Variants in SNTG1 observed in about 807,000 individuals in gnomAD.
The protein encoded by SNTG1 is gamma-1-syntrophin.
In SNTG1, 39 loss-of-function variants were observed where a neutral mutation model predicts 74.7. That is an observed-to-expected ratio of 0.52 (90% confidence interval 0.40 to 0.68). The LOEUF (loss-of-function observed/expected upper bound fraction) is 0.68. Ranked by LOEUF, SNTG1 falls within the 30% of genes least tolerant of loss-of-function variation. SNTG1 has a pLI of 0.00. For synonymous variants in SNTG1, 254 were observed against 217.1 expected (o/e 1.17, Z -1.49); for missense variants, 685 against 609.5 (o/e 1.12, Z -1.30).
intron 18 of SNTG1, among the ~76,000 whole-genome samples, chr8:50,757,375 C>T (rs1158314066): frequency 3.3e-5 from 5 of 151,784 alleles, no homozygotes; most frequent in African/African-American, 7.2e-5. Context: ...CAGGTGTATA[C>T]ATGCTAAGGA....
chr8:50,642,851 A>G (rs2095082686), intron 13 of SNTG1, among the ~76,000 whole-genome samples: 1 of 152,160 alleles, frequency 6.6e-6, no homozygotes, highest in Admixed American at 6.6e-5. Context: ...TCCAAAGTAG[A>G]ATCTAAGTTA....
At chr8:50,378,288 C>A (rs1225369606) in intron 2 of SNTG1, among the ~76,000 whole-genome samples, 3 of 152,210 alleles carry the variant, frequency 2.0e-5, no homozygotes, top group African/African-American at 7.2e-5. Context: ...AACACAGTGG[C>A]ACCCAGAAGT....
chr8:50,485,495 T>G (rs1011727739), intron 8 of SNTG1, among the ~76,000 whole-genome samples: 8 of 151,964 alleles, frequency 5.3e-5, no homozygotes, highest in African/African-American at 1.9e-4. Flanking sequence ...TTCATGTCCT[T>G]CACCCACTTT....
At chr8:50,621,964 A>G (rs776983627) in intron 13 of SNTG1, among the ~76,000 whole-genome samples, 1 of 152,120 alleles carries the variant, frequency 6.6e-6, no homozygotes, top group South Asian at 2.1e-4. Context: ...TTGCTCCTAT[A>G]TGGGCTAGGT....
At chr8:50,178,053 T>G (rs776968937) in intron 2 of SNTG1, among the ~76,000 whole-genome samples, 17 of 152,198 alleles carry the variant, frequency 1.1e-4, no homozygotes, top group Non-Finnish European at 2.2e-4. Flanking sequence ...GATAGCTGAT[T>G]TTTTTCCTAA....
At chr8:50,029,970 G>T (rs548561462) in intron 1 of SNTG1, among the ~76,000 whole-genome samples, 43 of 152,202 alleles carry the variant, frequency 2.8e-4, no homozygotes, top group African/African-American at 1.0e-3. Context: ...CATCAACAGT[G>T]TATGAGGGTT....
intron 15 of SNTG1, among the ~76,000 whole-genome samples, chr8:50,687,589 A>C (rs2095358225): frequency 1.3e-5 from 2 of 151,570 alleles, no homozygotes; most frequent in Admixed American, 1.3e-4. Flanking sequence ...TTATTATTAT[A>C]ATTTAAGTTT....
intron 1 of SNTG1, among the ~76,000 whole-genome samples, chr8:50,010,786 T>C (rs1183736526): frequency 4.7e-5 from 5 of 106,722 alleles, no homozygotes; most frequent in Non-Finnish European, 1.7e-5. Flanking sequence ...CAGGCCTCTC[T>C]TTTTTTTTTT....
intron 2 of SNTG1, among the ~76,000 whole-genome samples, chr8:50,253,089 T>A (rs946243149): frequency 1.3e-5 from 2 of 151,944 alleles, no homozygotes; most frequent in Admixed American, 6.6e-5. Context: ...GGACTGTAAA[T>A]CCGTACAGCC....
chr8:50,009,258 T>C (rs1815540238), intron 1 of SNTG1, among the ~76,000 whole-genome samples: 1 of 152,196 alleles, frequency 6.6e-6, no homozygotes, highest in South Asian at 2.1e-4. Context: ...TTAGTTGTCA[T>C]GCTTTTGTCA....
At chr8:50,064,624 CCCTG>C (rs1181481552) in intron 1 of SNTG1, among the ~76,000 whole-genome samples, 3 of 152,222 alleles carry the variant, frequency 2.0e-5, no homozygotes, top group African/African-American at 7.2e-5. Context: ...CACAATCTGG[CCCTG>C]CCTACACCTC....
chr8:50,181,408 A>G (rs2131716730), intron 2 of SNTG1, among the ~76,000 whole-genome samples: 1 of 152,284 alleles, frequency 6.6e-6, no homozygotes, highest in African/African-American at 2.4e-5. Context: ...CCTTTCCAAA[A>G]ACTTATTCTC....
chr8:50,439,780 A>G (rs1274966211), intron 5 of SNTG1, among the ~76,000 whole-genome samples: 5 of 142,838 alleles, frequency 3.5e-5, no homozygotes, highest in Non-Finnish European at 6.0e-5. Context: ...TAAAAGTACC[A>G]CTAAAGATAC....
chr8:49,943,698 G>A (rs1165658047), intron 1 of SNTG1, among the ~76,000 whole-genome samples: 1 of 152,196 alleles, frequency 6.6e-6, no homozygotes, highest in African/African-American at 2.4e-5. Context: ...TTATTTGGAT[G>A]AAAATATTTC....
At chr8:50,251,424 G>T (rs2086642177) in intron 2 of SNTG1, among the ~76,000 whole-genome samples, 1 of 151,740 alleles carries the variant, frequency 6.6e-6, no homozygotes, top group African/African-American at 2.4e-5. Flanking sequence ...TTCCAATTTA[G>T]GTTTAGAGTA....
At chr8:50,661,915 C>A (rs117762899) in intron 15 of SNTG1, among the ~76,000 whole-genome samples, 4 of 152,228 alleles carry the variant, frequency 2.6e-5, no homozygotes, top group Non-Finnish European at 2.9e-5. Flanking sequence ...CATATAAAGC[C>A]ATCCTTCAAG....
At chr8:50,516,869 C>A (rs142675132) in intron 9 of SNTG1, among the ~76,000 whole-genome samples, 4 of 152,294 alleles carry the variant, frequency 2.6e-5, no homozygotes, top group Admixed American at 1.3e-4. Flanking sequence ...GGAAATCACT[C>A]TTCAAGATAT....
At chr8:50,508,318 C>G (rs918448248) in intron 9 of SNTG1, among the ~76,000 whole-genome samples, 17 of 152,118 alleles carry the variant, frequency 1.1e-4, no homozygotes, top group African/African-American at 3.9e-4. Context: ...TCCAGTCTAT[C>G]ATTGTTGGAT....
intron 1 of SNTG1, among the ~76,000 whole-genome samples, chr8:50,047,409 C>A (rs203962): frequency 0.87 from 131,620 of 152,082 alleles, 57,092 homozygotes; most frequent in East Asian, 0.99. Context: ...ACCTACTTAA[C>A]ATTTATAAAC....
Sources: gnomAD v4.1 joint callset for allele counts (sites outside exome capture counted in the v4.1 genomes callset) on GRCh38, gnomAD v4.1.1 for gene constraint, MANE v1.5 for transcripts, NCBI Gene and HGNC (gene_info 2026-07-23, HGNC 2026-07-21) for gene names.